ANXA4: variants seen among roughly 807,000 people sequenced by gnomAD.
ANXA4 encodes annexin A4.
In ANXA4, 39 loss-of-function variants were observed where a neutral mutation model predicts 49.8. That is an observed-to-expected ratio of 0.78 (90% CI 0.61 to 1.02). ANXA4 has a LOEUF of 1.02. Among genes scored for constraint, ANXA4 ranks in the 50% least tolerant of loss-of-function variants. ANXA4 has a pLI of 0.00. For synonymous variants in ANXA4, 134 were observed against 152.5 expected (o/e 0.88, Z 0.89); for missense variants, 360 against 410.1 (o/e 0.88, Z 1.05).
At chr2:69,668,080 G>T (rs574277721) in intron 2 of ANXA4, among the ~76,000 whole-genome samples, 50 of 152,268 alleles carry the variant, frequency 3.3e-4, no homozygotes, top group African/African-American at 9.9e-4. Flanking sequence ...CAGGAGGAAG[G>T]GACAATAAAA....
In ANXA4 at chr2:69,786,744, C is replaced by T. The variant is rs115877017; in HGVS notation, c.10-1310C>T. Among the ~76,000 whole-genome samples the T allele has an allele frequency of 5.0e-3, 756 of 152,174 alleles. 10 individuals are homozygous for T. The highest frequency in any genetic ancestry group is 0.017 in the African/African-American group (726 of 41,508). ...GTTTTTTGTCTTTGTTTTTTTGAGA[C>T]AGGGTCTCACTCTGTCGCCCAGATT... On this transcript the variant is annotated intron_variant, in intron 2 of 12. Coordinates refer to ENST00000394295, the MANE Select transcript of ANXA4 (RefSeq NM_001153.5).
upstream of ANXA4, chr2:69,741,836 G>C (rs1298436702): frequency 6.6e-6 from 1 of 152,470 alleles, no homozygotes; most frequent in Non-Finnish European, 1.5e-5. Flanking sequence ...GCGCGGCCAG[G>C]AGCGGGGCTG....
At chr2:69,700,236 G>T (rs889720655) in intron 2 of ANXA4, 6 of 152,122 alleles carry the variant, frequency 3.9e-5, no homozygotes, top group African/African-American at 1.4e-4. Context: ...AATTAAAAAT[G>T]TCGGATGTGG....
chr2:69,790,096 G>A (rs1004481016), intron 3 of ANXA4, among the ~76,000 whole-genome samples: 8 of 152,138 alleles, frequency 5.3e-5, no homozygotes, highest in Admixed American at 2.6e-4. Context: ...TAGAAGAGAA[G>A]TGCTTTTTTT....
chr2:69,804,744 T>A, intron 4 of ANXA4, 117 bp downstream of exon 4: 2 of 929,892 alleles, frequency 2.2e-6, no homozygotes. Flanking sequence ...ATCCTTTGTC[T>A]TGTTTAAAGA....
chr2:69,659,052 A>T (rs977884191), intron 2 of ANXA4, among the ~76,000 whole-genome samples: 4 of 152,220 alleles, frequency 2.6e-5, no homozygotes, highest in Non-Finnish European at 5.9e-5. Context: ...CATTTAATTT[A>T]TGAAAATGTA....
intron 3 of ANXA4, among the ~76,000 whole-genome samples, chr2:69,789,150 A>C (rs1672558935): frequency 6.6e-6 from 1 of 152,220 alleles, no homozygotes; most frequent in African/African-American, 2.4e-5. Flanking sequence ...AAGCAGTTTC[A>C]CAGACATTAT....
intron 3 of ANXA4, among the ~76,000 whole-genome samples, chr2:69,732,162 A>T (rs1670121249): frequency 6.6e-6 from 1 of 151,240 alleles, no homozygotes; most frequent in African/African-American, 2.4e-5. Flanking sequence ...TATTTTTAGT[A>T]AAGATGGGGT....
chr2:69,786,778 G>GTGGTATGA (rs1672432988), intron 2 of ANXA4, among the ~76,000 whole-genome samples: 1 of 152,284 alleles, frequency 6.6e-6, no homozygotes, highest in Admixed American at 6.5e-5. Context: ...TTGGAGCACA[G>GTGGTATGA]TGGTATGATC....
chr2:69,816,507 T>C (rs543266159), intron 9 of ANXA4: 29 of 251,792 alleles, frequency 1.2e-4, no homozygotes, highest in Admixed American at 5.3e-4. Context: ...CTAATGTAGT[T>C]ACATATGAAA....
chr2:69,740,073 C>T (rs1236066883), upstream of ANXA4, among the ~76,000 whole-genome samples: 4 of 152,202 alleles, frequency 2.6e-5, no homozygotes, highest in African/African-American at 7.2e-5. Context: ...CAGATGTCAG[C>T]AGATGGGGGC....
At position 69,806,403 on chromosome 2, in the gene ANXA4, AAGTCAGAACTG is replaced by A. The variant is rs1427958566; in HGVS notation, c.215_225del (p.Ser72TrpfsTer18). On this transcript the variant is annotated frameshift_variant, in exon 5 of 13. Coordinates refer to ENST00000394295, the MANE Select transcript of ANXA4 (RefSeq NM_001153.5). LOFTEE classifies it high-confidence loss of function. ...ATTGCAGGACTTGATAGACGACCTG[AAGTCAGAACTG>A]AGTGGCAACTTCGAGCAGGTGATTG... is the stretch of plus-strand genomic sequence containing the variant. The A allele has an allele frequency of 2.5e-6, 4 of 1,614,060 alleles. No individual in the cohort carries two copies. Among genetic ancestry groups the A allele is most frequent in the Non-Finnish European group, 3.4e-6 (4 of 1,179,926 alleles).
chr2:69,804,137 C>CA (rs377321563), intron 3 of ANXA4, among the ~76,000 whole-genome samples: 12,073 of 88,448 alleles, frequency 0.14, 1,052 homozygotes, highest in African/African-American at 0.29. Context: ...GACTTTCTCT[C>CA]AAAAAAAAAA....
At chr2:69,737,973 A>C (rs931211463), upstream of ANXA4, among the ~76,000 whole-genome samples, 21 of 152,122 alleles carry the variant, frequency 1.4e-4, 2 homozygotes, top group Admixed American at 1.3e-3. Context: ...AAAAAGAAAG[A>C]AAAAAAAGAC....
intron 2 of ANXA4, among the ~76,000 whole-genome samples, chr2:69,715,788 G>A (rs13390617): frequency 0.067 from 10,165 of 152,272 alleles, 1,142 homozygotes; most frequent in African/African-American, 0.23. Context: ...AAATGGAGGT[G>A]GAGGGAGGGG....
At position 69,788,117 on chromosome 2, in the gene ANXA4, C is replaced by A; in HGVS notation, c.73C>A (p.Leu25Met). The A allele has an allele frequency of 1.2e-6, 2 of 1,614,092 alleles. No individual in the cohort carries two copies. The highest frequency in any genetic ancestry group is 1.7e-6 in the Non-Finnish European group (2 of 1,179,948). Residue 25 changes from leucine (L) to methionine (M), a missense_variant, in exon 3 of 13, where the codon CTG (leucine) becomes ATG (methionine). By Grantham distance (15) the Leu-to-Met change is conservative (BLOSUM62 2). Transcript: ENST00000394295. ...CAATGCCATGGAAGATGCCCAGACCCTGAGGAAGGCCATGAAAGGGCTCGG... is the reference window on the plus strand; with the variant it reads ...CAATGCCATGGAAGATGCCCAGACCATGAGGAAGGCCATGAAAGGGCTCGG... ...GFNAMEDAQT[L>M]RKAMKGLGTD...
intron 1 of ANXA4, among the ~76,000 whole-genome samples, chr2:69,757,727 G>A (rs926242584): frequency 4.0e-5 from 6 of 151,864 alleles, no homozygotes; most frequent in African/African-American, 1.5e-4. Flanking sequence ...GGGAGGCCAA[G>A]GTGGGTGGAT....
upstream of ANXA4, among the ~76,000 whole-genome samples, chr2:69,738,741 T>A (rs1670305585): frequency 6.6e-6 from 1 of 152,146 alleles, no homozygotes; most frequent in African/African-American, 2.4e-5. Flanking sequence ...TGAAGGGGCA[T>A]GTGTAGATGC....
At chr2:69,784,939 C>T (rs1174662459) in intron 2 of ANXA4, among the ~76,000 whole-genome samples, 2 of 152,220 alleles carry the variant, frequency 1.3e-5, no homozygotes, top group Non-Finnish European at 2.9e-5. Context: ...CCACCCTACA[C>T]CAGTATCACC....
Sources: allele counts gnomAD v4.1 joint callset (sites outside exome capture counted in the v4.1 genomes callset), GRCh38; gene constraint gnomAD v4.1.1; transcripts MANE v1.5; gene names NCBI Gene and HGNC (gene_info 2026-07-23, HGNC 2026-07-21).